The following ARID3A variants were observed in gnomAD, a reference collection of about 807,000 sequenced individuals.
The protein encoded by ARID3A is AT-rich interactive domain-containing protein 3A.
In ARID3A, 11 loss-of-function variants were observed where a neutral mutation model predicts 52.7. The observed-to-expected ratio is 0.21, with a 90% CI of 0.13 to 0.35. The LOEUF (loss-of-function observed/expected upper bound fraction) is 0.35. ARID3A is among the 10% of genes least tolerant of loss of function. The pLI is 1.00. For synonymous variants in ARID3A, 404 were observed against 359.4 expected (o/e 1.12, Z -1.40); for missense variants, 721 against 838.5 (o/e 0.86, Z 1.73).
Position 947,987 on chromosome 19 carries a change from C to G in ARID3A, c.694-12105C>G, listed in dbSNP as rs1362241751. The stretch of plus-strand genomic sequence containing the variant: ...CCCGGCTGGTCAGGTGCACGAGGAG[C>G]AACCCATGGCCAGGCAGAGCCCAGA... On this transcript the variant is annotated intron_variant, in intron 3 of 8. Coordinates refer to ENST00000263620, the MANE Select transcript of ARID3A (RefSeq NM_005224.3). The surrounding 1 kb of genome is among the most constrained non-coding windows in gnomAD (Gnocchi z 6.3). 6.6e-6 allele frequency among the ~76,000 whole-genome samples: 1 copy of G among 152,202 alleles called. No homozygotes were observed. The highest frequency in any genetic ancestry group is 6.5e-5 in the Admixed American group (1 of 15,284).
chr19:974,235 G>A lies in ARID3A; in HGVS notation c.*2170G>A, dbSNP rs1338356998. The stretch of plus-strand genomic sequence containing the variant: ...TGTCACTTTCCTGTGTCTTTGGGGA[G>A]GGGACCCCCACTTCCTTCTCGGATC... On this transcript the variant is annotated 3_prime_UTR_variant, in exon 9 of 9. Transcript: ENST00000263620. The A allele has an allele frequency of 8.8e-6, 2 of 226,798 alleles. No homozygotes were observed. The highest frequency in any genetic ancestry group is 6.3e-5 in the East Asian group (1 of 15,952). The allele number at this position is 226,798 out of a possible 1,614,324, so 14.0% of individuals were successfully genotyped here.
In ARID3A at chr19:959,986, T is replaced by G. The variant is rs1599418330; in HGVS notation, c.694-106T>G. ...AGCGGCTTGAGGGTCCTAGGGGTGGTGACCCCTGCTCCTGTCCTCCTGACC... is the reference window on the plus strand; with the variant it reads ...AGCGGCTTGAGGGTCCTAGGGGTGGGGACCCCTGCTCCTGTCCTCCTGACC... On this transcript the variant is annotated intron_variant, in intron 3 of 8. Coordinates refer to ENST00000263620, the MANE Select transcript of ARID3A (RefSeq NM_005224.3). This position sits in a 1 kb window ranked among gnomAD's most constrained non-coding sequence, Gnocchi z 5.0. 3 of 916,036 alleles carry G rather than the reference T, an allele frequency of 3.3e-6. No individual in the cohort carries two copies. Among genetic ancestry groups the G allele is most frequent in the South Asian group, 1.9e-5 (1 of 52,022 alleles). 56.7% of individuals were successfully genotyped at this position (916,036 alleles called of 1,614,324 possible). A position where few individuals can be genotyped will look rare whatever the true frequency, so the allele number is the denominator to read the frequency against.
At chr19:957,808 C>T (rs2145434114) in intron 3 of ARID3A, among the ~76,000 whole-genome samples, 1 of 152,278 alleles carries the variant, frequency 6.6e-6, no homozygotes, top group East Asian at 1.9e-4. Context: ...TGCGCCACTG[C>T]ACTCCAGGCT....
chr19:927,831 A>G (rs756767258), intron 1 of ARID3A, among the ~76,000 whole-genome samples: 2 of 151,966 alleles, frequency 1.3e-5, no homozygotes, highest in Admixed American at 6.6e-5. Flanking sequence ...TGTCCCCACA[A>G]CAGATGGAAC....
intron 6 of ARID3A, 137 bp from the exon 7 acceptor site, chr19:966,435 G>A: frequency 1.3e-6 from 1 of 764,822 alleles, no homozygotes; most frequent in Middle Eastern, 4.0e-4. Context: ...TCCAGCCTGG[G>A]CAACAAGAGT....
At chr19:932,298 G>A (rs371808084) in intron 2 of ARID3A, 120 bp from the exon 3 acceptor site, 28 of 1,528,794 alleles carry the variant, frequency 1.8e-5, no homozygotes, top group Middle Eastern at 2.4e-4. Context: ...CTGAGCTGGC[G>A]GCGGCCGGCT....
At position 971,497 on chromosome 19, in the gene ARID3A, C is replaced by T. The variant is rs975418622; in HGVS notation, c.1595-381C>T. 2.0e-5 allele frequency among the ~76,000 whole-genome samples: 3 copies of T among 151,982 alleles called. No individual in the cohort carries two copies. The East Asian group carries it at 5.8e-4, about 29-fold the overall frequency. On this transcript the variant is annotated intron_variant, in intron 8 of 8. Transcript: ENST00000263620. ...TAGTGGCAGGCGCCTGTAGTTAGTCCCAGCTACTCAGGAGGGTGAGACAGG... is the reference window on the plus strand; with the variant it reads ...TAGTGGCAGGCGCCTGTAGTTAGTCTCAGCTACTCAGGAGGGTGAGACAGG...
chr19:972,596 C>G lies in ARID3A; in HGVS notation c.*531C>G. 1 of 222,048 alleles carries G rather than the reference C, an allele frequency of 4.5e-6. No individual in the cohort carries two copies. Among genetic ancestry groups the G allele is most frequent in the Non-Finnish European group, 9.0e-6 (1 of 110,868 alleles). The allele number at this position is 222,048 out of a possible 1,614,324, so 13.8% of individuals were successfully genotyped here. A position where few individuals can be genotyped will look rare whatever the true frequency, so the allele number is the denominator to read the frequency against. On this transcript the variant is annotated 3_prime_UTR_variant, in exon 9 of 9. Transcript: ENST00000263620. ...CAGTGAAACCCCTGAACCAAGATCA[C>G]TGAATTTTTGTTTTTTTCTTGTTGC... is the stretch of plus-strand genomic sequence containing the variant.
Position 974,631 on chromosome 19 carries a change from G to A in ARID3A, c.*2566G>A. On this transcript the variant is annotated 3_prime_UTR_variant, in exon 9 of 9. Transcript: ENST00000263620. ...AGCAGCCACTGGGGCCTGGCTGCCT[G>A]CTGCATCTGGCGGCCCTGGACCCCT... 1 of 229,768 alleles carries A rather than the reference G, an allele frequency of 4.4e-6. No homozygotes were observed. Among genetic ancestry groups the A allele is most frequent in the East Asian group, 6.2e-5 (1 of 16,252 alleles). The allele number at this position is 229,768 out of a possible 1,614,324, so 14.2% of individuals were successfully genotyped here.
chr19:932,290 G>C, intron 2 of ARID3A, 128 bp from the exon 3 acceptor site: 1 of 1,523,278 alleles, frequency 6.6e-7, no homozygotes, highest in Non-Finnish European at 8.8e-7. Flanking sequence ...TCTGCAGTCT[G>C]AGCTGGCGGC....
intron 4 of ARID3A, among the ~76,000 whole-genome samples, chr19:963,726 C>A (rs887629082): frequency 2.0e-5 from 3 of 152,170 alleles, no homozygotes; most frequent in Non-Finnish European, 4.4e-5. Context: ...GCTAGCCCAA[C>A]CCCCCATGTC....
chr19:965,169 G>C, intron 6 of ARID3A, 89 bp downstream of exon 6: 1 of 1,415,110 alleles, frequency 7.1e-7, no homozygotes, highest in Non-Finnish European at 9.4e-7. Flanking sequence ...CCCCTCTCTG[G>C]GTAACCAGGA....
chr19:952,427 G>A (rs1458604595), intron 3 of ARID3A, among the ~76,000 whole-genome samples: 2 of 99,498 alleles, frequency 2.0e-5, no homozygotes, highest in Non-Finnish European at 3.7e-5. Flanking sequence ...GGGCCACAGA[G>A]CGAGACCCTG....
intron 3 of ARID3A, among the ~76,000 whole-genome samples, chr19:940,856 G>A (rs183827685): frequency 1.3e-5 from 2 of 152,208 alleles, no homozygotes; most frequent in Non-Finnish European, 2.9e-5. Context: ...CCGGGGCAGC[G>A]CCCGCCTCAT....
intron 3 of ARID3A, among the ~76,000 whole-genome samples, chr19:940,801 C>T (rs1249173444): frequency 6.6e-6 from 1 of 152,144 alleles, no homozygotes; most frequent in Non-Finnish European, 1.5e-5. Flanking sequence ...ACGTGAGCCG[C>T]CGGGAGGGCT....
At chr19:938,000 G>A (rs1284226112) in intron 3 of ARID3A, among the ~76,000 whole-genome samples, 2 of 151,896 alleles carry the variant, frequency 1.3e-5, no homozygotes, top group African/African-American at 2.4e-5. Context: ...GAGCCACTGC[G>A]CCCGGCTAAT....
At chr19:927,436 A>G (rs2037225113) in intron 1 of ARID3A, among the ~76,000 whole-genome samples, 1 of 151,222 alleles carries the variant, frequency 6.6e-6, no homozygotes, top group African/African-American at 2.4e-5. Flanking sequence ...ACCGGCCCCA[A>G]CGTGGAGGTC....
chr19:963,092 C>A (rs1034857315), intron 4 of ARID3A, among the ~76,000 whole-genome samples: 2 of 152,100 alleles, frequency 1.3e-5, no homozygotes, highest in African/African-American at 4.8e-5. Context: ...GGTCAGACAC[C>A]GGGGGTTCCG....
intron 3 of ARID3A, among the ~76,000 whole-genome samples, chr19:950,756 T>A (rs2037788286): frequency 6.6e-6 from 1 of 152,130 alleles, no homozygotes; most frequent in South Asian, 2.1e-4. Flanking sequence ...TTCATGGGGA[T>A]TTGGGAGATA....
Sources: gnomAD v4.1 joint callset for allele counts (sites outside exome capture counted in the v4.1 genomes callset) on GRCh38, gnomAD v4.1.1 for gene constraint, Gnocchi (gnomAD v3.1) non-coding constraint, MANE v1.5 for transcripts, NCBI Gene and HGNC (gene_info 2026-07-23, HGNC 2026-07-21) for gene names.